The following ARSG variants were observed in gnomAD, a reference collection of about 807,000 sequenced individuals.
ARSG encodes arylsulfatase G.
ARSG carries 37 observed loss-of-function variants against 50.5 expected under a neutral mutation model. The observed-to-expected ratio is 0.73, with a 90% CI of 0.56 to 0.96. The LOEUF (loss-of-function observed/expected upper bound fraction) is 0.96, where lower values mean the gene tolerates loss of function less well. Ranked by LOEUF, ARSG falls within the 50% of genes least tolerant of loss-of-function variation. The pLI, the probability that ARSG is intolerant of heterozygous loss-of-function variation, is 0.00. For synonymous variants in ARSG, 225 were observed against 254.6 expected (o/e 0.88, Z 1.11); for missense variants, 629 against 675.3 (o/e 0.93, Z 0.76).
intron 6 of ARSG, among the ~76,000 whole-genome samples, chr17:68,365,866 T>C (rs532284542): frequency 2.0e-5 from 3 of 152,344 alleles, no homozygotes; most frequent in Admixed American, 1.3e-4. Context: ...GCCTACATCA[T>C]AGCAGAATGT....
chr17:68,437,005 A>ATATATATATATAT, the ARSG span, among the ~76,000 whole-genome samples: 26 of 107,260 alleles, frequency 2.4e-4, no homozygotes, highest in East Asian at 1.6e-3. Context: ...AAAAAAAAAA[A>ATATATATATATAT]ATATATATAT....
At chr17:68,268,610 CTTTTTTTTTTTGA>C (rs1568400960) in intron 1 of ARSG, 4 of 143,804 alleles carry the variant, frequency 2.8e-5, no homozygotes, top group Admixed American at 7.0e-5. Flanking sequence ...TGATTGAAGT[CTTTTTTTTTTTGA>C]CTGGCCAATT....
the ARSG span, chr17:68,440,844 T>C: frequency 1.4e-4 from 22 of 152,366 alleles, no homozygotes; most frequent in African/African-American, 5.3e-4. Context: ...CAGTGATTTA[T>C]AAAATGCAGT....
intron 6 of ARSG, among the ~76,000 whole-genome samples, chr17:68,362,973 C>T (rs2079369317): frequency 6.6e-6 from 1 of 152,100 alleles, no homozygotes; most frequent in African/African-American, 2.4e-5. Flanking sequence ...GTTACTTATC[C>T]AGCTCCAGTG....
the ARSG span, among the ~76,000 whole-genome samples, chr17:68,433,996 T>A: frequency 6.6e-6 from 1 of 151,998 alleles, no homozygotes; most frequent in Admixed American, 6.6e-5. Context: ...TTGGCCAGGC[T>A]GGTCCTCAGG....
rs563553728 is a variant in ARSG, at chr17:68,378,094, C to T, written c.983-6970C>T. Among the ~76,000 whole-genome samples the T allele has an allele frequency of 1.6e-4, 24 of 152,328 alleles. No individual in the cohort carries two copies. Among genetic ancestry groups the T allele is most frequent in the African/African-American group, 3.4e-4 (14 of 41,584 alleles). On this transcript the variant is annotated intron_variant, in intron 8 of 11. Coordinates refer to ENST00000621439, the MANE Select transcript of ARSG (RefSeq NM_001267727.2). This position sits in a 1 kb window ranked among gnomAD's most constrained non-coding sequence, Gnocchi z 4.4. ...GCTGGAGCTCTGGGAAGCCAGGCAG[C>T]GCCCTGCTCAGCAGGTGGCCATGTC... is the stretch of plus-strand genomic sequence containing the variant.
At chr17:68,373,697 C>T (rs1003800058) in intron 8 of ARSG, among the ~76,000 whole-genome samples, 2 of 152,068 alleles carry the variant, frequency 1.3e-5, no homozygotes, top group Non-Finnish European at 1.5e-5. Context: ...TATTTTATCT[C>T]TTGGAGTATT....
At chr17:68,428,090 G>T in the ARSG span, among the ~76,000 whole-genome samples, 10 of 152,038 alleles carry the variant, frequency 6.6e-5, no homozygotes, top group African/African-American at 4.8e-5. Context: ...TAAGGATGGG[G>T]TTTCACCATG....
intron 1 of ARSG, among the ~76,000 whole-genome samples, chr17:68,286,355 CT>C (rs1420033220): frequency 2.0e-5 from 3 of 152,184 alleles, no homozygotes; most frequent in African/African-American, 7.2e-5. Context: ...TTGAGGTTAT[CT>C]TTTTCAATTC....
intron 1 of ARSG, among the ~76,000 whole-genome samples, chr17:68,273,179 GA>G (rs782056527): frequency 2.0e-5 from 3 of 151,780 alleles, no homozygotes; most frequent in Non-Finnish European, 4.4e-5. Context: ...CATCTATGAG[GA>G]ATATATGGCC....
chr17:68,401,313 G>A (rs767268619), intron 10 of ARSG, 47 bp from the exon 11 acceptor site: 82 of 1,553,624 alleles, frequency 5.3e-5, no homozygotes, highest in Admixed American at 4.7e-4. Flanking sequence ...ATGAGTCACC[G>A]AGTTCTGCCA....
At chr17:68,368,891 C>A in intron 7 of ARSG, 147 bp downstream of exon 7, 3 of 930,190 alleles carry the variant, frequency 3.2e-6, no homozygotes, top group Non-Finnish European at 4.7e-6. Context: ...GGCTTGCTGG[C>A]CTGAATGCTG....
chr17:68,409,311 A>G (rs1351372374), intron 11 of ARSG, among the ~76,000 whole-genome samples: 2 of 148,098 alleles, frequency 1.4e-5, no homozygotes. Flanking sequence ...AGGTGTAAGG[A>G]AGGGATCCAG....
intron 11 of ARSG, among the ~76,000 whole-genome samples, chr17:68,408,896 T>TG (rs1196264689): frequency 6.6e-6 from 1 of 151,648 alleles, no homozygotes; most frequent in East Asian, 1.9e-4. Context: ...CATTTTTTCA[T>TG]GTGTTTTTTG....
intron 6 of ARSG, among the ~76,000 whole-genome samples, chr17:68,361,411 C>T (rs2079277892): frequency 6.6e-6 from 1 of 152,124 alleles, no homozygotes; most frequent in Non-Finnish European, 1.5e-5. Flanking sequence ...ACTTCCCAGC[C>T]TCTAGAACTG....
intron 2 of ARSG, among the ~76,000 whole-genome samples, chr17:68,309,075 C>G (rs368556955): frequency 6.6e-6 from 1 of 152,232 alleles, no homozygotes; most frequent in African/African-American, 2.4e-5. Flanking sequence ...AGCTAAGGCT[C>G]GGTGAGAAAT....
chr17:68,289,052 T>A (rs2075906609), upstream of ARSG, among the ~76,000 whole-genome samples: 1 of 152,056 alleles, frequency 6.6e-6, no homozygotes, highest in Admixed American at 6.6e-5. Context: ...TCCCCTTAAA[T>A]AAATGAGTAT....
rs1568608743 is a variant in ARSG at position 68,420,226 on chromosome 17, G to C, written c.1341G>C (p.Glu447Asp). 6.2e-7 allele frequency: 1 copy of C among 1,614,192 alleles called. No individual in the cohort carries two copies. The highest frequency in any genetic ancestry group is 8.5e-7 in the Non-Finnish European group (1 of 1,180,052). Residue 447 changes from glutamate (E) to aspartate (D), a missense_variant, in exon 12 of 12, where the codon GAG (glutamate) becomes GAC (aspartate). Transcript: ENST00000621439. ...CGTGTGATGGGAGCACGGGGCCTGA[G>C]CTGCAGCATAAGTTTCCTCTGATTT... is the stretch of plus-strand genomic sequence containing the variant. The part of the protein sequence containing the change: ...ARACDGSTGP[E>D]LQHKFPLIFN...
intron 2 of ARSG, among the ~76,000 whole-genome samples, chr17:68,322,957 A>G (rs1316170937): frequency 6.6e-6 from 1 of 152,112 alleles, no homozygotes; most frequent in Non-Finnish European, 1.5e-5. Flanking sequence ...TATTCTCACA[A>G]GGAGAATACA....
Sources: gnomAD v4.1 joint callset for allele counts (sites outside exome capture counted in the v4.1 genomes callset) on GRCh38, gnomAD v4.1.1 for gene constraint, Gnocchi (gnomAD v3.1) non-coding constraint, MANE v1.5 for transcripts, NCBI Gene and HGNC (gene_info 2026-07-23, HGNC 2026-07-21) for gene names.